Variants in PCDH17 observed in about 807,000 individuals in gnomAD.
PCDH17 encodes the protein protocadherin-17.
PCDH17 carries 21 observed loss-of-function variants against 67.7 expected under a neutral mutation model. That is an observed-to-expected ratio of 0.31 (90% CI 0.22 to 0.45). PCDH17 has a LOEUF of 0.45. PCDH17 is among the 20% of genes least tolerant of loss of function. The pLI is 1.00. For missense variants in PCDH17, 1,471 were observed against 1,564.8 expected, an observed-to-expected ratio of 0.94 and a Z score of 1.01; for synonymous variants, 701 against 656.7, an observed-to-expected ratio of 1.07 and a Z score of -1.03.
chr13:57,662,464 A>G (rs1010280133), intron 1 of PCDH17, among the ~76,000 whole-genome samples: 2 of 152,130 alleles, frequency 1.3e-5, no homozygotes, highest in African/African-American at 4.8e-5. Flanking sequence ...ACATTTTAAA[A>G]AATATTTGTT....
rs773465403 is a variant in PCDH17, at chr13:57,724,735, T to C, written c.2921T>C (p.Phe974Ser). ...AATGCAGATTACCGCACAAATCTCT[T>C]TGTACCTACAGTTGAAGCTAATGTT... The part of the protein sequence containing the change: ...AENADYRTNL[F>S]VPTVEANVET... Residue 974 changes from phenylalanine (F) to serine (S), a missense_variant, in exon 4 of 4, where the codon TTT (phenylalanine) becomes TCT (serine). Transcript: ENST00000377918. The C allele has an allele frequency of 6.2e-7, 1 of 1,614,142 alleles. No individual in the cohort carries two copies. The highest frequency in any genetic ancestry group is 8.5e-7 in the Non-Finnish European group (1 of 1,180,004).
intron 3 of PCDH17, among the ~76,000 whole-genome samples, chr13:57,721,826 C>G (rs146645613): frequency 2.0e-5 from 3 of 152,100 alleles, no homozygotes; most frequent in Middle Eastern, 3.4e-3. Flanking sequence ...TTTTGCCCAA[C>G]CAGTCATTCA....
intron 3 of PCDH17, among the ~76,000 whole-genome samples, chr13:57,719,433 C>T (rs917634583): frequency 2.0e-5 from 3 of 151,974 alleles, no homozygotes; most frequent in African/African-American, 7.2e-5. Context: ...ATGACACAGA[C>T]ATTTATCTCA....
At chr13:57,683,261 G>A (rs1488930249) in intron 3 of PCDH17, among the ~76,000 whole-genome samples, 1 of 151,946 alleles carries the variant, frequency 6.6e-6, no homozygotes, top group African/African-American at 2.4e-5. Context: ...ACCCTTGATA[G>A]AATGATCATG....
At chr13:57,651,721 T>A (rs1955042139) in intron 1 of PCDH17, among the ~76,000 whole-genome samples, 2 of 152,162 alleles carry the variant, frequency 1.3e-5, no homozygotes. Context: ...TTAAATTTTG[T>A]TTCTGATTTC....
chr13:57,678,601 T>A (rs1955417635), intron 3 of PCDH17, among the ~76,000 whole-genome samples: 1 of 151,558 alleles, frequency 6.6e-6, no homozygotes, highest in South Asian at 2.1e-4. Flanking sequence ...CAGGGTAAAG[T>A]CCATTAATCT....
chr13:57,697,640 G>A (rs1011966333), intron 3 of PCDH17, among the ~76,000 whole-genome samples: 2 of 151,572 alleles, frequency 1.3e-5, no homozygotes, highest in Non-Finnish European at 3.0e-5. Flanking sequence ...CATTATATAC[G>A]CTTTCTATAG....
intron 3 of PCDH17, among the ~76,000 whole-genome samples, chr13:57,722,666 A>C (rs1233841048): frequency 6.6e-6 from 1 of 152,166 alleles, no homozygotes; most frequent in Admixed American, 6.5e-5. Context: ...CTCAGGCTGC[A>C]GTGAAATGGC....
intron 1 of PCDH17, among the ~76,000 whole-genome samples, chr13:57,652,818 G>A (rs577609357): frequency 6.6e-6 from 1 of 152,098 alleles, no homozygotes; most frequent in African/African-American, 2.4e-5. Context: ...GGGATCTCAT[G>A]ATTAGCATGC....
rs2138111165 is a variant in PCDH17 at position 57,727,408 on chromosome 13, A to G, written c.*2114A>G. On this transcript the variant is annotated 3_prime_UTR_variant, in exon 4 of 4. Coordinates refer to ENST00000377918, the MANE Select transcript of PCDH17 (RefSeq NM_001040429.3). ...AAAACAAAAGCAAAAACAAACATTG[A>G]ATTAAATTAAGTTTTGTAATTTTAA... The G allele has an allele frequency of 6.6e-6, 1 of 152,546 alleles. No homozygotes were observed. Among genetic ancestry groups the G allele is most frequent in the African/African-American group, 2.4e-5 (1 of 41,588 alleles). The allele number at this position is 152,546 out of a possible 1,614,324, so 9.4% of individuals were successfully genotyped here.
intron 3 of PCDH17, among the ~76,000 whole-genome samples, chr13:57,716,206 A>G (rs952787740): frequency 5.9e-5 from 9 of 151,990 alleles, no homozygotes; most frequent in African/African-American, 2.2e-4. Context: ...GTGTCTGATG[A>G]CTTTCCAATC....
intron 3 of PCDH17, among the ~76,000 whole-genome samples, chr13:57,680,178 A>G (rs114818820): frequency 0.014 from 2,169 of 151,422 alleles, 55 homozygotes; most frequent in African/African-American, 0.049. Flanking sequence ...GTATGTATAT[A>G]TAATTAATTT....
At chr13:57,640,237 A>G (rs1295993993) in intron 1 of PCDH17, among the ~76,000 whole-genome samples, 2 of 151,986 alleles carry the variant, frequency 1.3e-5, no homozygotes, top group Non-Finnish European at 2.9e-5. Context: ...ACTATAACAC[A>G]ATAGAAATGT....
chr13:57,666,351 C>A (rs1324687596), intron 1 of PCDH17, 117 bp from the exon 2 acceptor site: 1 of 748,294 alleles, frequency 1.3e-6, no homozygotes, highest in East Asian at 2.7e-5. Context: ...ATGTACAAAT[C>A]TGAAGATTAA....
chr13:57,632,945 C>T lies in PCDH17; in HGVS notation c.399C>T (p.Ser133=). The T allele has an allele frequency of 6.2e-7, 1 of 1,613,976 alleles. No individual in the cohort carries two copies. Among genetic ancestry groups the T allele is most frequent in the Non-Finnish European group, 8.5e-7 (1 of 1,180,024 alleles). The change falls in exon 1 of 4, where the codon TCC becomes TCT. Residue 133 remains serine, a synonymous_variant. Transcript: ENST00000377918. ...QDINDNAPSF[S]SDQIEMDISE... ...TCAACGACAACGCGCCCTCCTTCTC[C>T]TCGGACCAGATCGAAATGGACATCT... is the stretch of plus-strand genomic sequence containing the variant.
At chr13:57,695,421 GAGAAAGAAAGAAAGAA>G (rs113739071) in intron 3 of PCDH17, among the ~76,000 whole-genome samples, 3 of 146,862 alleles carry the variant, frequency 2.0e-5, no homozygotes, top group South Asian at 4.2e-4. Context: ...GATAAAATGA[GAGAAAGAAAGAAAGAA>G]AGAAAGAAAG....
intron 1 of PCDH17, among the ~76,000 whole-genome samples, chr13:57,647,302 A>G (rs1360912537): frequency 1.3e-5 from 2 of 151,878 alleles, no homozygotes; most frequent in Non-Finnish European, 3.0e-5. Context: ...TGAGTGAAAG[A>G]AAAGGAAATA....
At chr13:57,631,555 CAG>C (rs773913093), upstream of PCDH17, among the ~76,000 whole-genome samples, 21 of 152,164 alleles carry the variant, frequency 1.4e-4, no homozygotes, top group Non-Finnish European at 2.2e-4. Context: ...GTAGAGAAAT[CAG>C]AGAGTGTGTT....
At chr13:57,675,200 C>T (rs879827786) in intron 3 of PCDH17, among the ~76,000 whole-genome samples, 33 of 151,894 alleles carry the variant, frequency 2.2e-4, no homozygotes, top group African/African-American at 7.5e-4. Flanking sequence ...TCAATCCAGA[C>T]GTACCCACTG....
Sources: gnomAD v4.1 joint callset for allele counts (sites outside exome capture counted in the v4.1 genomes callset) on GRCh38, gnomAD v4.1.1 for gene constraint, MANE v1.5 for transcripts, NCBI Gene and HGNC (gene_info 2026-07-23, HGNC 2026-07-21) for gene names.